PCCA: variants seen among roughly 807,000 people sequenced by gnomAD.
PCCA encodes propionyl-CoA carboxylase alpha chain, mitochondrial.
A neutral mutation model predicts 101.3 loss-of-function variants in PCCA; 74 were observed. The ratio of observed to expected loss-of-function variants is 0.73; its 90% CI spans 0.61 to 0.89. The LOEUF (loss-of-function observed/expected upper bound fraction) is 0.89. Ranked by LOEUF, PCCA falls within the 40% of genes least tolerant of loss-of-function variation. The pLI, the probability that PCCA is intolerant of heterozygous loss-of-function variation, is 0.00. For synonymous variants in PCCA, 294 were observed against 313.6 expected (o/e 0.94, Z 0.66); for missense variants, 891 against 907.0 (o/e 0.98, Z 0.23).
intron 6 of PCCA, among the ~76,000 whole-genome samples, chr13:100,185,183 T>C (rs12865092): frequency 1.4e-3 from 208 of 152,290 alleles, no homozygotes; most frequent in Non-Finnish European, 2.5e-3. Flanking sequence ...TGGGAATCAT[T>C]TTCTTGCTTC....
intron 21 of PCCA, among the ~76,000 whole-genome samples, chr13:100,493,558 T>C (rs1393324586): frequency 1.3e-5 from 2 of 152,184 alleles, no homozygotes; most frequent in African/African-American, 4.8e-5. Flanking sequence ...GCCTCAAGCA[T>C]GTGCCACAAC....
At position 100,157,339 on chromosome 13, in the gene PCCA, T is replaced by A. The variant is rs760387660; in HGVS notation, c.467T>A (p.Leu156Ter). 1 of 1,599,254 alleles carries A rather than the reference T, an allele frequency of 6.3e-7. No homozygotes were observed. The highest frequency in any genetic ancestry group is 1.1e-5 in the South Asian group (1 of 90,744). ...LSENKEFARC[L>*]AAEDVVFIGP... ...GAAAACAAAGAATTTGCCAGATGTT[T>A]GGTAAGTTGGTAATGAACCAGAAAC... Residue 156 changes from leucine (L) to a stop codon, truncating the protein, a stop_gained and splice_region_variant, in exon 6 of 24, where the codon TTG becomes TAG. Transcript: ENST00000376285. LOFTEE classifies it high-confidence loss of function.
chr13:100,243,949 T>C (rs964039153), intron 8 of PCCA, among the ~76,000 whole-genome samples: 5 of 152,244 alleles, frequency 3.3e-5, no homozygotes, highest in Non-Finnish European at 5.9e-5. Context: ...TAAAAATATG[T>C]GGCTAAGTCA....
intron 6 of PCCA, among the ~76,000 whole-genome samples, chr13:100,177,806 A>C (rs1242058374): frequency 6.6e-6 from 1 of 152,224 alleles, no homozygotes; most frequent in Non-Finnish European, 1.5e-5. Context: ...TATTCCCATC[A>C]TACTGATTAT....
intron 21 of PCCA, among the ~76,000 whole-genome samples, chr13:100,455,362 T>C (rs1455538193): frequency 2.0e-5 from 3 of 152,238 alleles, no homozygotes; most frequent in Non-Finnish European, 1.5e-5. Context: ...TCCCGACTTG[T>C]ATCTATTATT....
intron 12 of PCCA, chr13:100,293,241 C>A (rs1210680126): frequency 2.1e-6 from 1 of 471,484 alleles, no homozygotes; most frequent in East Asian, 6.9e-5. Flanking sequence ...TCTACTTTTA[C>A]CATGGAAGGA....
At chr13:100,343,554 T>C (rs2152760085) in intron 18 of PCCA, among the ~76,000 whole-genome samples, 1 of 152,306 alleles carries the variant, frequency 6.6e-6, no homozygotes, top group South Asian at 2.1e-4. Flanking sequence ...TTATTTGAAA[T>C]TTCTAGGGAA....
intron 20 of PCCA, among the ~76,000 whole-genome samples, chr13:100,446,741 G>A (rs1177075110): frequency 6.6e-6 from 1 of 152,152 alleles, no homozygotes; most frequent in Non-Finnish European, 1.5e-5. Flanking sequence ...GTGTATAAAA[G>A]AATAGGAAAA....
At chr13:100,392,330 ATGCGTTGACAATT>A (rs1249748297) in intron 19 of PCCA, among the ~76,000 whole-genome samples, 3 of 152,234 alleles carry the variant, frequency 2.0e-5, no homozygotes, top group African/African-American at 7.2e-5. Flanking sequence ...ACAGGCAGAT[ATGCGTTGACAATT>A]GCCTTTCATA....
intron 16 of PCCA, among the ~76,000 whole-genome samples, chr13:100,310,963 C>T (rs937812009): frequency 2.0e-5 from 3 of 152,190 alleles, no homozygotes; most frequent in South Asian, 2.1e-4. Context: ...TGGCCAAGCA[C>T]GGTGGCTCAC....
intron 19 of PCCA, among the ~76,000 whole-genome samples, chr13:100,398,830 A>T (rs2077182044): frequency 2.6e-5 from 4 of 152,170 alleles, no homozygotes; most frequent in Admixed American, 2.6e-4. Context: ...TACTTCCCGT[A>T]AGCTCCATCA....
chr13:100,368,622 A>C (rs1213961293), intron 19 of PCCA, 48 bp downstream of exon 19: 2 of 1,177,372 alleles, frequency 1.7e-6, no homozygotes, highest in Non-Finnish European at 2.6e-6. Context: ...GTTATCTATG[A>C]ATATTTAAAG....
chr13:100,434,705 A>G (rs371688208), intron 20 of PCCA, among the ~76,000 whole-genome samples: 1 of 152,190 alleles, frequency 6.6e-6, no homozygotes, highest in South Asian at 2.1e-4. Flanking sequence ...TTTCTCCTGC[A>G]CAATCCACGT....
chr13:100,288,560 C>T (rs1329817465), intron 12 of PCCA, among the ~76,000 whole-genome samples: 1 of 152,196 alleles, frequency 6.6e-6, no homozygotes, highest in Non-Finnish European at 1.5e-5. Flanking sequence ...GGATTATAGC[C>T]CCGTGCCAGG....
intron 16 of PCCA, among the ~76,000 whole-genome samples, chr13:100,316,088 C>T (rs543896145): frequency 1.3e-5 from 2 of 152,096 alleles, no homozygotes; most frequent in East Asian, 3.9e-4. Flanking sequence ...CCTCTTTTGG[C>T]TTTAGGATTA....
chr13:100,402,310 A>G (rs2077415839), intron 19 of PCCA, among the ~76,000 whole-genome samples: 1 of 152,008 alleles, frequency 6.6e-6, no homozygotes, highest in Non-Finnish European at 1.5e-5. Context: ...CAAATGTAAA[A>G]AACACTTAGC....
At chr13:100,351,391 A>G (rs1462354084) in intron 18 of PCCA, among the ~76,000 whole-genome samples, 1 of 152,134 alleles carries the variant, frequency 6.6e-6, no homozygotes, top group Non-Finnish European at 1.5e-5. Context: ...ATGGGAAAAT[A>G]TATCTTTTGA....
At chr13:100,404,521 C>T (rs776519386) in intron 19 of PCCA, among the ~76,000 whole-genome samples, 3 of 151,920 alleles carry the variant, frequency 2.0e-5, no homozygotes, top group East Asian at 1.9e-4. Flanking sequence ...ATTCAAAAGG[C>T]GTACAAACTG....
chr13:100,228,411 A>G (rs1404973943), intron 7 of PCCA, among the ~76,000 whole-genome samples: 3 of 152,140 alleles, frequency 2.0e-5, no homozygotes. Context: ...CATTATGTTA[A>G]CAGAGTTTAT....
Sources: allele counts gnomAD v4.1 joint callset (sites outside exome capture counted in the v4.1 genomes callset), GRCh38; gene constraint gnomAD v4.1.1; transcripts MANE v1.5; gene names NCBI Gene and HGNC (gene_info 2026-07-23, HGNC 2026-07-21).